The following PTPRQ variants were observed in gnomAD, a reference collection of about 807,000 sequenced individuals.
PTPRQ encodes phosphatidylinositol phosphatase PTPRQ.
PTPRQ carries 199 observed loss-of-function variants against 246.0 expected under a neutral mutation model. The ratio of observed to expected loss-of-function variants is 0.81; its 90% CI spans 0.72 to 0.91. The LOEUF (loss-of-function observed/expected upper bound fraction) is 0.91. PTPRQ is among the 40% of genes least tolerant of loss of function. PTPRQ has a pLI of 0.00. For synonymous variants in PTPRQ, 869 were observed against 853.2 expected, an observed-to-expected ratio of 1.02 and a Z score of -0.32; for missense variants, 2,624 against 2,528.4, an observed-to-expected ratio of 1.04 and a Z score of -0.81.
chr12:80,645,039 C>T (rs1900019682), intron 35 of PTPRQ, among the ~76,000 whole-genome samples: 1 of 152,004 alleles, frequency 6.6e-6, no homozygotes, highest in African/African-American at 2.4e-5. Context: ...AACTGGACTA[C>T]TAGAAGCTTT....
chr12:80,660,055 C>T (rs182007357), intron 39 of PTPRQ, among the ~76,000 whole-genome samples: 4 of 151,948 alleles, frequency 2.6e-5, no homozygotes, highest in Non-Finnish European at 4.4e-5. Flanking sequence ...TTTCCCCCTA[C>T]CCCCAAATTT....
At chr12:80,448,658 AATG>A (rs1892635318) in intron 3 of PTPRQ, among the ~76,000 whole-genome samples, 1 of 149,790 alleles carries the variant, frequency 6.7e-6, no homozygotes, top group Non-Finnish European at 1.5e-5. Context: ...GTTTACTGAG[AATG>A]ATGATTTCCA....
chr12:80,549,736 T>C lies in PTPRQ; in HGVS notation c.4285+2T>C. ...ATGTCAGCACACTACCTGAAACAGGTAACTAACGTGAAACAGGTAACTAAC... is the reference window on the plus strand; with the variant it reads ...ATGTCAGCACACTACCTGAAACAGGCAACTAACGTGAAACAGGTAACTAAC... On this transcript the variant is annotated splice_donor_variant, in intron 25 of 44. Coordinates refer to ENST00000644991, the MANE Select transcript of PTPRQ (RefSeq NM_001145026.2). LOFTEE classifies it high-confidence loss of function. 1.5e-6 allele frequency: 2 copies of C among 1,369,716 alleles called. No homozygotes were observed. The highest frequency in any genetic ancestry group is 2.0e-6 in the Non-Finnish European group (2 of 999,896). The allele number at this position is 1,369,716 out of a possible 1,614,324, so 84.8% of individuals were successfully genotyped here.
intron 29 of PTPRQ, among the ~76,000 whole-genome samples, chr12:80,615,687 G>C (rs1898727567): frequency 6.6e-6 from 1 of 151,008 alleles, no homozygotes; most frequent in Admixed American, 6.6e-5. Context: ...AGGAAAACTG[G>C]GAGGCTGAAG....
intron 38 of PTPRQ, among the ~76,000 whole-genome samples, chr12:80,653,575 A>T (rs1297389424): frequency 6.6e-6 from 1 of 152,172 alleles, no homozygotes; most frequent in East Asian, 1.9e-4. Context: ...TCCCAATTTT[A>T]AAGATAATAT....
chr12:80,449,608 C>T (rs1238230273), intron 3 of PTPRQ, among the ~76,000 whole-genome samples: 1 of 151,742 alleles, frequency 6.6e-6, no homozygotes, highest in Admixed American at 6.6e-5. Context: ...AGCCAGTTTT[C>T]CCAGCACCAT....
intron 17 of PTPRQ, among the ~76,000 whole-genome samples, chr12:80,532,776 T>C (rs1273726475): frequency 6.6e-6 from 1 of 152,218 alleles, no homozygotes; most frequent in African/African-American, 2.4e-5. Flanking sequence ...GCCTGGCTAA[T>C]CCTGCCTGTC....
chr12:80,578,545 T>C (rs1164687012), intron 25 of PTPRQ, among the ~76,000 whole-genome samples: 10 of 151,890 alleles, frequency 6.6e-5, no homozygotes, highest in East Asian at 5.9e-4. Flanking sequence ...CGCCTGCCAC[T>C]ACGCCCGGCT....
chr12:80,586,445 G>T (rs61951074), intron 25 of PTPRQ, among the ~76,000 whole-genome samples: 24,880 of 150,684 alleles, frequency 0.17, 2,288 homozygotes, highest in Middle Eastern at 0.22. Flanking sequence ...TACACTGTTG[G>T]TGGGACTGTA....
intron 39 of PTPRQ, among the ~76,000 whole-genome samples, chr12:80,664,432 C>T (rs1349889026): frequency 6.6e-6 from 1 of 151,976 alleles, no homozygotes; most frequent in African/African-American, 2.4e-5. Flanking sequence ...CTGATAACAG[C>T]CAACCCTCTC....
intron 17 of PTPRQ, among the ~76,000 whole-genome samples, chr12:80,526,295 G>A (rs1895683499): frequency 6.6e-6 from 1 of 152,132 alleles, no homozygotes; most frequent in African/African-American, 2.4e-5. Context: ...TTTGGTTGGA[G>A]GAAACTAAGT....
intron 8 of PTPRQ, among the ~76,000 whole-genome samples, chr12:80,480,592 T>G (rs11833717): frequency 4.7e-5 from 7 of 149,690 alleles, no homozygotes; most frequent in Middle Eastern, 3.2e-3. Context: ...GGAGCTGGTT[T>G]TTTGAAAGGA....
At chr12:80,515,214 G>C (rs1895255992) in intron 17 of PTPRQ, among the ~76,000 whole-genome samples, 1 of 151,868 alleles carries the variant, frequency 6.6e-6, no homozygotes, top group Non-Finnish European at 1.5e-5. Context: ...AATACACATG[G>C]GTTTTTAGTC....
At chr12:80,655,604 T>TCA (rs910278543) in intron 38 of PTPRQ, among the ~76,000 whole-genome samples, 43 of 151,000 alleles carry the variant, frequency 2.8e-4, no homozygotes, top group African/African-American at 9.7e-4. Context: ...TCTCTCTCTC[T>TCA]CACACACACA....
chr12:80,670,590 C>T, intron 42 of PTPRQ, 98 bp downstream of exon 42: 1 of 1,387,188 alleles, frequency 7.2e-7, no homozygotes, highest in East Asian at 2.8e-5. Flanking sequence ...TAAATTTCTT[C>T]CAGCTTGCCG....
intron 17 of PTPRQ, among the ~76,000 whole-genome samples, chr12:80,515,574 C>A (rs1895268366): frequency 6.6e-6 from 1 of 151,768 alleles, no homozygotes; most frequent in East Asian, 1.9e-4. Context: ...GTGCCCATTA[C>A]CACACCTAGC....
rs1214683275 is a variant in PTPRQ at position 80,604,941 on chromosome 12, A to G, written c.4610-118A>G. 2.6e-5 allele frequency: 28 copies of G among 1,067,516 alleles called. No individual in the cohort carries two copies. The East Asian group carries it at 8.6e-4, about 33-fold the overall frequency. 66.1% of individuals were successfully genotyped at this position (1,067,516 alleles called of 1,614,324 possible). A position where few individuals can be genotyped will look rare whatever the true frequency, so the allele number is the denominator to read the frequency against. ...TTTAGCACTCTGTGAAATATAAATT[A>G]ATGTAAAATTAAAATTAATTTATTA... On this transcript the variant is annotated intron_variant, in intron 26 of 44. Transcript: ENST00000644991.
rs370661036 is a variant in PTPRQ at position 80,613,730 on chromosome 12, A to G, written c.5057A>G (p.Asp1686Gly). 9 of 1,546,090 alleles carry G rather than the reference A, an allele frequency of 5.8e-6. No individual in the cohort carries two copies. Among genetic ancestry groups the G allele is most frequent in the Non-Finnish European group, 7.9e-6 (9 of 1,143,270 alleles). Residue 1686 changes from aspartate (D) to glycine (G), a missense_variant, in exon 29 of 45, where the codon GAT becomes GGT. Coordinates refer to ENST00000644991, the MANE Select transcript of PTPRQ (RefSeq NM_001145026.2). ...CAAGCTCTGGTTTACCGAGAAGATGATCCTACTGCTGTCCAGATTCACAAC... is the reference window on the plus strand; with the variant it reads ...CAAGCTCTGGTTTACCGAGAAGATGGTCCTACTGCTGTCCAGATTCACAAC... ...VYQALVYRED[D>G]PTAVQIHNLS... is the part of the protein sequence containing the mutation.
chr12:80,582,558 A>G (rs1897477335), intron 25 of PTPRQ, among the ~76,000 whole-genome samples: 1 of 152,120 alleles, frequency 6.6e-6, no homozygotes, highest in East Asian at 1.9e-4. Flanking sequence ...CTATACAAGG[A>G]CACAATAAGA....
Sources: allele counts gnomAD v4.1 joint callset (sites outside exome capture counted in the v4.1 genomes callset), GRCh38; gene constraint gnomAD v4.1.1; transcripts MANE v1.5; gene names NCBI Gene and HGNC (gene_info 2026-07-23, HGNC 2026-07-21).